MCC: variants seen among roughly 807,000 people sequenced by gnomAD.
MCC encodes the protein colorectal mutant cancer protein.
MCC carries 90 observed loss-of-function variants against 116.2 expected under a neutral mutation model. The ratio of observed to expected loss-of-function variants is 0.77; its 90% CI spans 0.65 to 0.92. MCC has a LOEUF of 0.92. Among genes scored for constraint, MCC ranks in the 40% least tolerant of loss-of-function variants. The pLI, the probability that MCC is intolerant of heterozygous loss-of-function variation, is 0.00. For missense variants in MCC, 1,516 were observed against 1,312.2 expected, an observed-to-expected ratio of 1.16 and a Z score of -2.40; for synonymous variants, 578 against 510.5, an observed-to-expected ratio of 1.13 and a Z score of -1.78.
At chr5:113,403,370 ATAT>A (rs2150399690) in intron 1 of MCC, among the ~76,000 whole-genome samples, 1 of 152,358 alleles carries the variant, frequency 6.6e-6, no homozygotes, top group East Asian at 1.9e-4. Flanking sequence ...TCAACGTTTT[ATAT>A]TTAAAATATA....
chr5:113,052,584 C>A (rs1326381505), intron 15 of MCC, among the ~76,000 whole-genome samples: 3 of 152,166 alleles, frequency 2.0e-5, no homozygotes, highest in Admixed American at 6.5e-5. Flanking sequence ...AGTGAGTCAC[C>A]CCTGAGGGTG....
chr5:113,068,055 G>A (rs1318191907), intron 13 of MCC, 25 bp downstream of exon 13: 1 of 1,588,314 alleles, frequency 6.3e-7, no homozygotes, highest in Non-Finnish European at 8.6e-7. Context: ...ACAAGAGGAG[G>A]AAGAGGGACT....
intron 3 of MCC, among the ~76,000 whole-genome samples, chr5:113,228,894 C>T (rs7722776): frequency 0.072 from 11,021 of 152,116 alleles, 1,334 homozygotes; most frequent in African/African-American, 0.25. Context: ...TCAAGAAACA[C>T]GTCAATGTTT....
chr5:113,417,819 C>T (rs1431746444), intron 1 of MCC, among the ~76,000 whole-genome samples: 2 of 151,934 alleles, frequency 1.3e-5, no homozygotes, highest in African/African-American at 4.8e-5. Flanking sequence ...GTCCTAGCTA[C>T]TCAGGAGGCT....
intron 1 of MCC, among the ~76,000 whole-genome samples, chr5:113,449,414 G>C (rs1363359083): frequency 8.5e-5 from 13 of 152,130 alleles, no homozygotes; most frequent in Admixed American, 8.5e-4. Context: ...GTGATGCAAG[G>C]AATTTAACAC....
At chr5:113,071,503 C>T (rs545563169) in intron 11 of MCC, among the ~76,000 whole-genome samples, 1 of 152,270 alleles carries the variant, frequency 6.6e-6, no homozygotes. Context: ...GAGCAGGGCA[C>T]AGTGCTAGGC....
chr5:113,155,084 T>G (rs1306476466), intron 3 of MCC, among the ~76,000 whole-genome samples: 1 of 152,200 alleles, frequency 6.6e-6, no homozygotes, highest in East Asian at 1.9e-4. Context: ...CTATTCTCTA[T>G]CTCTGTGAGA....
At position 113,276,675 on chromosome 5, in the gene MCC, G is replaced by A. The variant is rs186870559; in HGVS notation, c.627+63844C>T. ...AGGGTCTGGCTCTGTTGCCCAGGCT[G>A]GAGTACAGTGGTACAATCTCGGCTC... On this transcript the variant is annotated intron_variant, in intron 3 of 18. Transcript: ENST00000408903. Among the ~76,000 whole-genome samples, 85 of 152,252 alleles carry A rather than the reference G, an allele frequency of 5.6e-4. 1 individual carries two copies. Among genetic ancestry groups the A allele is most frequent in the African/African-American group, 1.9e-3 (80 of 41,524 alleles).
At chr5:113,151,709 C>A (rs769617645) in intron 3 of MCC, among the ~76,000 whole-genome samples, 1 of 152,116 alleles carries the variant, frequency 6.6e-6, no homozygotes, top group Non-Finnish European at 1.5e-5. Flanking sequence ...AATGGCTTTC[C>A]CCAAGCTACT....
chr5:113,212,426 C>T (rs2150324308), intron 3 of MCC, among the ~76,000 whole-genome samples: 1 of 152,244 alleles, frequency 6.6e-6, no homozygotes, highest in African/African-American at 2.4e-5. Flanking sequence ...GGGCTTCATA[C>T]CATTCTTGGA....
intron 5 of MCC, among the ~76,000 whole-genome samples, chr5:113,142,902 A>C (rs982323787): frequency 3.3e-5 from 5 of 152,176 alleles, no homozygotes; most frequent in African/African-American, 1.2e-4. Flanking sequence ...TCATGACTAA[A>C]GCATTTCACT....
At chr5:113,462,719 T>A (rs542103198) in intron 1 of MCC, among the ~76,000 whole-genome samples, 10 of 152,292 alleles carry the variant, frequency 6.6e-5, no homozygotes, top group Non-Finnish European at 1.2e-4. Flanking sequence ...AGTAAGCCAA[T>A]TATGCAAAAA....
At position 113,026,099 on chromosome 5, in the gene MCC, A is replaced by C. The variant is rs533647121; in HGVS notation, c.*1203T>G. On this transcript the variant is annotated 3_prime_UTR_variant, in exon 19 of 19. Transcript: ENST00000408903. ...TTAAGATTGAAGACCTTCCTGAAAT[A>C]ATTCAGTTACTTTGGTACTGCCTAG... 1 of 152,366 alleles carries C rather than the reference A, an allele frequency of 6.6e-6. No homozygotes were observed. Among genetic ancestry groups the C allele is most frequent in the East Asian group, 1.9e-4 (1 of 5,192 alleles). 9.4% of individuals were successfully genotyped at this position (152,366 alleles called of 1,614,324 possible).
intron 3 of MCC, chr5:113,294,908 G>C (rs892600204): frequency 1.0e-5 from 10 of 985,568 alleles, no homozygotes; most frequent in Non-Finnish European, 1.2e-5. Context: ...ACTTCACGCC[G>C]AAGTTTCCCC....
chr5:113,102,946 T>C (rs1465467012), intron 7 of MCC, among the ~76,000 whole-genome samples: 3 of 151,992 alleles, frequency 2.0e-5, no homozygotes, highest in Admixed American at 2.0e-4. Context: ...AAACCCTGTC[T>C]CTACTAAAAA....
intron 2 of MCC, among the ~76,000 whole-genome samples, chr5:113,348,589 A>C (rs1011869929): frequency 6.6e-6 from 1 of 152,056 alleles, no homozygotes; most frequent in Non-Finnish European, 1.5e-5. Context: ...GTTTATACCT[A>C]CCAATGCTTA....
intron 1 of MCC, among the ~76,000 whole-genome samples, chr5:113,390,012 G>C (rs1769364759): frequency 6.6e-6 from 1 of 152,070 alleles, no homozygotes. Context: ...CAGAGGAAGA[G>C]ATACTAAATT....
chr5:113,082,418 C>T (rs1408598631), intron 11 of MCC, among the ~76,000 whole-genome samples: 1 of 152,254 alleles, frequency 6.6e-6, no homozygotes, highest in Non-Finnish European at 1.5e-5. Flanking sequence ...GCTGACTCAA[C>T]ATTCCAGAAC....
intron 2 of MCC, among the ~76,000 whole-genome samples, chr5:113,343,493 G>T (rs1027649804): frequency 1.8e-4 from 28 of 152,162 alleles, no homozygotes; most frequent in African/African-American, 6.5e-4. Context: ...CCTCTGTTCT[G>T]GCTCCAGCAA....
Sources: gnomAD v4.1 joint callset for allele counts (sites outside exome capture counted in the v4.1 genomes callset) on GRCh38, gnomAD v4.1.1 for gene constraint, MANE v1.5 for transcripts, NCBI Gene and HGNC (gene_info 2026-07-23, HGNC 2026-07-21) for gene names.